PPP1CB: variants seen among roughly 807,000 people sequenced by gnomAD.
The protein encoded by PPP1CB is serine/threonine-protein phosphatase PP1-beta catalytic subunit.
PPP1CB carries 2 observed loss-of-function variants against 43.7 expected under a neutral mutation model. The observed-to-expected ratio is 0.05, with a 90% CI of 0.02 to 0.14. The LOEUF is 0.14. Ranked by LOEUF, PPP1CB falls within the 10% of genes least tolerant of loss-of-function variation. The pLI, the probability that PPP1CB is intolerant of heterozygous loss-of-function variation, is 1.00. For synonymous variants in PPP1CB, 136 were observed against 135.6 expected (o/e 1.00, Z -0.02); for missense variants, 84 against 398.0 (o/e 0.21, Z 6.71).
intron 1 of PPP1CB, among the ~76,000 whole-genome samples, chr2:28,754,323 C>A (rs1482356567): frequency 1.4e-5 from 1 of 71,992 alleles, no homozygotes; most frequent in Non-Finnish European, 2.4e-5. Flanking sequence ...TTTGTACAAT[C>A]TGTTTTCCTT....
intron 6 of PPP1CB, among the ~76,000 whole-genome samples, chr2:28,791,549 C>T (rs533666836): frequency 2.3e-4 from 35 of 152,124 alleles, no homozygotes; most frequent in Admixed American, 6.5e-4. Context: ...TGGCTGGTCT[C>T]GAACTCCTGA....
chr2:28,788,840 T>C lies in PPP1CB; in HGVS notation c.744+31T>C, dbSNP rs774552170. ...AAATATAAAACTCTTAAGCTTTTTCTTTTTTCTTTCTTTTTTTTGGGGGCA... is the reference window on the plus strand; with the variant it reads ...AAATATAAAACTCTTAAGCTTTTTCCTTTTTCTTTCTTTTTTTTGGGGGCA... On this transcript the variant is annotated intron_variant, in intron 6 of 7. Transcript: ENST00000395366. 1.2e-5 allele frequency: 18 copies of C among 1,557,778 alleles called. No individual in the cohort carries two copies. In the South Asian group the frequency reaches 2.2e-4, roughly 19 times the overall value.
chr2:28,761,055 C>T (rs912977691), intron 1 of PPP1CB, among the ~76,000 whole-genome samples: 2 of 152,152 alleles, frequency 1.3e-5, no homozygotes, highest in Non-Finnish European at 2.9e-5. Flanking sequence ...CGCCTGCCAC[C>T]ATGCCCAGCT....
intron 7 of PPP1CB, 105 bp downstream of exon 7, chr2:28,794,102 G>GT: frequency 1.1e-6 from 1 of 921,996 alleles, no homozygotes; most frequent in South Asian, 1.8e-5. Context: ...TTGAAAGTCT[G>GT]TTTAATTCAG....
intron 6 of PPP1CB, among the ~76,000 whole-genome samples, chr2:28,790,672 T>A (rs1287322422): frequency 6.6e-6 from 1 of 152,140 alleles, no homozygotes; most frequent in Non-Finnish European, 1.5e-5. Context: ...TCATAATCAT[T>A]AATTGTTATG....
At chr2:28,776,510 T>A (rs1667048448) in intron 1 of PPP1CB, among the ~76,000 whole-genome samples, 1 of 152,108 alleles carries the variant, frequency 6.6e-6, no homozygotes, top group African/African-American at 2.4e-5. Flanking sequence ...TCCACCCACC[T>A]CAACCTCCCA....
chr2:28,779,405 TCA>T (rs1289562579), intron 3 of PPP1CB, among the ~76,000 whole-genome samples: 1 of 152,206 alleles, frequency 6.6e-6, no homozygotes, highest in Admixed American at 6.5e-5. Flanking sequence ...TAGTCCTGTG[TCA>T]CAAGAATTAT....
intron 6 of PPP1CB, among the ~76,000 whole-genome samples, chr2:28,791,357 GTC>G (rs1451195611): frequency 6.6e-6 from 1 of 151,892 alleles, no homozygotes; most frequent in Non-Finnish European, 1.5e-5. Context: ...GTGAGACAGA[GTC>G]TCACACTGTT....
At chr2:28,783,444 A>G (rs945392850) in intron 4 of PPP1CB, among the ~76,000 whole-genome samples, 14 of 152,182 alleles carry the variant, frequency 9.2e-5, no homozygotes, top group Non-Finnish European at 5.9e-5. Flanking sequence ...AATTCCTAAT[A>G]ACTCTGTGTT....
chr2:28,772,773 G>A (rs1304219755), intron 1 of PPP1CB, among the ~76,000 whole-genome samples: 1 of 152,084 alleles, frequency 6.6e-6, no homozygotes, highest in Admixed American at 6.5e-5. Flanking sequence ...TCCGTAATCT[G>A]ATAATCTGAA....
chr2:28,781,941 G>T (rs1417701640), intron 4 of PPP1CB, 99 bp downstream of exon 4: 2 of 819,040 alleles, frequency 2.4e-6, no homozygotes, highest in Non-Finnish European at 4.2e-6. Context: ...AGCAGTGCTT[G>T]TATGAAAACT....
rs1667631478 is a variant in PPP1CB at position 28,802,117 on chromosome 2, A to G, written c.*2814A>G. 1 of 152,212 alleles carries G rather than the reference A, an allele frequency of 6.6e-6. No homozygotes were observed. Among genetic ancestry groups the G allele is most frequent in the African/African-American group, 2.4e-5 (1 of 41,466 alleles). 9.4% of individuals were successfully genotyped at this position (152,212 alleles called of 1,614,324 possible). A position where few individuals can be genotyped will look rare whatever the true frequency, so the allele number is the denominator to read the frequency against. On this transcript the variant is annotated 3_prime_UTR_variant, in exon 8 of 8. Transcript: ENST00000395366. ...TTAAAATAGGTGGTAAATTTGAAGT[A>G]TGAGTGTGTTCACGAGAAACATAGG...
chr2:28,763,050 A>G (rs1666693025), intron 1 of PPP1CB, among the ~76,000 whole-genome samples: 1 of 152,228 alleles, frequency 6.6e-6, no homozygotes, highest in Non-Finnish European at 1.5e-5. Flanking sequence ...CTGAATAACC[A>G]TAGTTTGTCA....
chr2:28,776,412 C>T (rs2148048534), intron 1 of PPP1CB, among the ~76,000 whole-genome samples: 1 of 152,200 alleles, frequency 6.6e-6, no homozygotes, highest in Admixed American at 6.5e-5. Context: ...CAGGCATGCG[C>T]CACCACACCT....
intron 1 of PPP1CB, among the ~76,000 whole-genome samples, chr2:28,761,774 A>G (rs750052638): frequency 7.2e-5 from 11 of 152,202 alleles, no homozygotes; most frequent in Admixed American, 2.0e-4. Context: ...TGAGAGGGAA[A>G]GGTATTTCTA....
In PPP1CB at chr2:28,777,367, G is replaced by A. The variant is rs548758456; in HGVS notation, c.184+385G>A. 2.0e-5 allele frequency: 3 copies of A among 153,196 alleles called. No homozygotes were observed. The East Asian group carries it at 5.7e-4, about 29-fold the overall frequency. The allele number at this position is 153,196 out of a possible 1,614,324, so 9.5% of individuals were successfully genotyped here. A position where few individuals can be genotyped will look rare whatever the true frequency, so the allele number is the denominator to read the frequency against. ...AATTTAAAGCAAGTCTCCAACTCTA[G>A]TCAGATTATAAAAAAATACCAAAGA... is the stretch of plus-strand genomic sequence containing the variant. On this transcript the variant is annotated intron_variant, in intron 2 of 7. Coordinates refer to ENST00000395366, the MANE Select transcript of PPP1CB (RefSeq NM_002709.3).
intron 7 of PPP1CB, among the ~76,000 whole-genome samples, chr2:28,794,717 A>G (rs1370414559): frequency 1.3e-5 from 2 of 152,178 alleles, no homozygotes; most frequent in African/African-American, 4.8e-5. Flanking sequence ...CCTGAGGAAA[A>G]AAAACTTTCA....
intron 4 of PPP1CB, among the ~76,000 whole-genome samples, chr2:28,783,477 G>T (rs1467828447): frequency 6.6e-6 from 1 of 152,158 alleles, no homozygotes; most frequent in East Asian, 1.9e-4. Flanking sequence ...ATTAAAAGGG[G>T]CAGGGCGCGG....
intron 1 of PPP1CB, among the ~76,000 whole-genome samples, chr2:28,760,776 T>G (rs1275886247): frequency 6.6e-6 from 1 of 152,244 alleles, no homozygotes; most frequent in Non-Finnish European, 1.5e-5. Context: ...ATTTTAAAAC[T>G]TTAAATAGTA....
Sources: gnomAD v4.1 joint callset for allele counts (sites outside exome capture counted in the v4.1 genomes callset) on GRCh38, gnomAD v4.1.1 for gene constraint, MANE v1.5 for transcripts, NCBI Gene and HGNC (gene_info 2026-07-23, HGNC 2026-07-21) for gene names.